Variants in CCDC18 observed in about 807,000 individuals in gnomAD.
CCDC18 encodes the protein coiled-coil domain-containing protein 18.
CCDC18 carries 157 observed loss-of-function variants against 196.0 expected under a neutral mutation model. The observed-to-expected ratio is 0.80, with a 90% CI of 0.70 to 0.91. The LOEUF (loss-of-function observed/expected upper bound fraction) is 0.91, where lower values mean the gene tolerates loss of function less well. CCDC18 is among the 40% of genes least tolerant of loss of function. The pLI is 0.00. For synonymous variants in CCDC18, 482 were observed against 529.2 expected (o/e 0.91, Z 1.22); for missense variants, 1,465 against 1,611.6 (o/e 0.91, Z 1.56).
chr1:93,256,533 G>A lies in CCDC18; in HGVS notation c.3541G>A (p.Glu1181Lys). ...ELEDMKQLSK[E>K]KDAHGNHLAE... ...GGAGGATATGAAGCAACTCTCTAAA[G>A]AGAAAGTAATCCCTATTTTAAATAA... Residue 1181 changes from glutamate to lysine, a missense_variant, in exon 25 of 29, where the codon GAG becomes AAG. Transcript: ENST00000690025. 6.2e-7 allele frequency: 1 copy of A among 1,609,270 alleles called. No homozygotes were observed. Among genetic ancestry groups the A allele is most frequent in the African/African-American group, 1.3e-5 (1 of 74,856 alleles).
intron 6 of CCDC18, among the ~76,000 whole-genome samples, chr1:93,199,355 G>A (rs1033524473): frequency 2.6e-5 from 4 of 152,242 alleles, no homozygotes; most frequent in African/African-American, 7.2e-5. Flanking sequence ...CAGCACGGGC[G>A]CCAGCTCCCT....
At chr1:93,210,715 A>C in intron 9 of CCDC18, 87 bp from the exon 10 acceptor site, 1 of 903,726 alleles carries the variant, frequency 1.1e-6, no homozygotes, top group African/African-American at 1.6e-5. Flanking sequence ...TTAAATTCAT[A>C]CAGTTTTTAA....
intron 28 of CCDC18, among the ~76,000 whole-genome samples, chr1:93,276,067 G>T (rs1490717109): frequency 6.6e-6 from 1 of 152,186 alleles, no homozygotes. Flanking sequence ...GCCAGGAGGC[G>T]CCATTGTTGG....
chr1:93,229,530 C>G (rs1018032340), intron 17 of CCDC18, among the ~76,000 whole-genome samples: 5 of 152,168 alleles, frequency 3.3e-5, no homozygotes, highest in Admixed American at 6.5e-5. Context: ...ATGTTCTTAT[C>G]TTTTAAATCA....
intron 8 of CCDC18, among the ~76,000 whole-genome samples, chr1:93,206,832 A>G (rs887702552): frequency 6.6e-6 from 1 of 152,150 alleles, no homozygotes; most frequent in Non-Finnish European, 1.5e-5. Context: ...TTAAGACAGT[A>G]GGGCTGTCCT....
intron 4 of CCDC18, among the ~76,000 whole-genome samples, chr1:93,191,301 T>C (rs1187886844): frequency 6.6e-6 from 1 of 152,204 alleles, no homozygotes; most frequent in Non-Finnish European, 1.5e-5. Flanking sequence ...GATAATAAAC[T>C]TTCTGCCTCT....
chr1:93,253,673 C>A (rs1662559397), intron 23 of CCDC18, among the ~76,000 whole-genome samples: 1 of 152,208 alleles, frequency 6.6e-6, no homozygotes, highest in South Asian at 2.1e-4. Context: ...CTGATGTCAG[C>A]AGGGAGAGAG....
At chr1:93,194,616 T>C (rs115207375) in intron 6 of CCDC18, among the ~76,000 whole-genome samples, 1 of 151,936 alleles carries the variant, frequency 6.6e-6, no homozygotes, top group South Asian at 2.1e-4. Flanking sequence ...GAAGAGTAAA[T>C]GAAAAAAAGA....
intron 23 of CCDC18, among the ~76,000 whole-genome samples, chr1:93,251,847 T>C (rs1429372483): frequency 1.3e-5 from 2 of 152,164 alleles, no homozygotes; most frequent in Non-Finnish European, 2.9e-5. Flanking sequence ...TTCTTTTGTT[T>C]CTTTAAAAAA....
intron 17 of CCDC18, among the ~76,000 whole-genome samples, chr1:93,231,326 T>G (rs1414210482): frequency 1.4e-4 from 21 of 152,210 alleles, no homozygotes; most frequent in Non-Finnish European, 2.6e-4. Flanking sequence ...AACATTTACC[T>G]ACAGCCCATT....
At chr1:93,278,274 C>T (rs992693066) in intron 28 of CCDC18, among the ~76,000 whole-genome samples, 189 bp from the exon 29 acceptor site, 1 of 152,170 alleles carries the variant, frequency 6.6e-6, no homozygotes, top group African/African-American at 2.4e-5. Context: ...AGGCAGTGAG[C>T]CACTGCACCC....
rs539839904 is a variant in CCDC18 at position 93,270,572 on chromosome 1, T to G, written c.4111T>G (p.Ser1371Ala). The G allele has an allele frequency of 1.9e-6, 3 of 1,550,456 alleles. No individual in the cohort carries two copies. The highest frequency in any genetic ancestry group is 2.6e-6 in the Non-Finnish European group (3 of 1,146,908). The change falls in exon 28 of 29, where the codon TCT becomes GCT. Residue 1371 changes from serine (S) to alanine (A), a missense_variant. Physicochemically the swap from Ser to Ala is moderately conservative, Grantham distance 99. Coordinates refer to ENST00000690025, the MANE Select transcript of CCDC18 (RefSeq NM_001378204.1). ...CAAAATTCATGGTGATGAAGATCTT[T>G]CTGAAGAATTACTACAGGACTTAAA... ...TFKIHGDEDL[S>A]EELLQDLKKM...
chr1:93,183,972 C>A lies in CCDC18; in HGVS notation c.135-6C>A. 1 of 1,490,302 alleles carries A rather than the reference C, an allele frequency of 6.7e-7. No homozygotes were observed. 92.3% of individuals were successfully genotyped at this position (1,490,302 alleles called of 1,614,324 possible). A position where few individuals can be genotyped will look rare whatever the true frequency, so the allele number is the denominator to read the frequency against. ...AACTGAAATATGTTTTTTCTTTTTTCTCTAGTGTTAGTCCAAGTGAAAATT... is the reference window on the plus strand; with the variant it reads ...AACTGAAATATGTTTTTTCTTTTTTATCTAGTGTTAGTCCAAGTGAAAATT... On this transcript the variant is annotated splice_region_variant and splice_polypyrimidine_tract_variant and intron_variant, in intron 2 of 28. Coordinates refer to ENST00000690025, the MANE Select transcript of CCDC18 (RefSeq NM_001378204.1).
rs957534116 is a variant in CCDC18 at position 93,278,706 on chromosome 1, A to T, written c.*229A>T. 7 of 331,666 alleles carry T rather than the reference A, an allele frequency of 2.1e-5. No homozygotes were observed. Among genetic ancestry groups the T allele is most frequent in the African/African-American group, 1.5e-4 (7 of 46,688 alleles). 20.5% of individuals were successfully genotyped at this position (331,666 alleles called of 1,614,324 possible). On this transcript the variant is annotated 3_prime_UTR_variant, in exon 29 of 29. Transcript: ENST00000690025. ...AACTTGCTGCTTTCTTTTGCTTTTTATATAAAAATCATTGTTAAAATGCAT... is the reference window on the plus strand; with the variant it reads ...AACTTGCTGCTTTCTTTTGCTTTTTTTATAAAAATCATTGTTAAAATGCAT...
At chr1:93,231,623 G>A (rs1267686069) in intron 17 of CCDC18, among the ~76,000 whole-genome samples, 2 of 152,054 alleles carry the variant, frequency 1.3e-5, no homozygotes, top group African/African-American at 4.8e-5. Flanking sequence ...GGATTACTAG[G>A]ACAAAGGGAA....
At chr1:93,199,435 C>T (rs1653419370) in intron 6 of CCDC18, among the ~76,000 whole-genome samples, 1 of 150,536 alleles carries the variant, frequency 6.6e-6, no homozygotes. Context: ...CGGGGTGGTA[C>T]TGGAAGCTTG....
chr1:93,264,667 A>ATTTTTTTT (rs746113534), intron 26 of CCDC18, 34 bp from the exon 27 acceptor site: 10 of 1,320,024 alleles, frequency 7.6e-6, no homozygotes, highest in Admixed American at 2.1e-5. Flanking sequence ...CCATTTTTTT[A>ATTTTTTTT]TTTTTTTTCT....
intron 9 of CCDC18, among the ~76,000 whole-genome samples, chr1:93,210,294 T>G (rs1488634626): frequency 1.3e-5 from 2 of 152,222 alleles, no homozygotes; most frequent in Non-Finnish European, 2.9e-5. Context: ...TATGCTAGTG[T>G]AGCACCTTAT....
chr1:93,241,935 C>A (rs1395102555), intron 21 of CCDC18, among the ~76,000 whole-genome samples: 1 of 151,842 alleles, frequency 6.6e-6, no homozygotes, highest in African/African-American at 2.4e-5. Flanking sequence ...AAAATGAAAC[C>A]CTCATTCATT....
Sources: gnomAD v4.1 joint callset for allele counts (sites outside exome capture counted in the v4.1 genomes callset) on GRCh38, gnomAD v4.1.1 for gene constraint, MANE v1.5 for transcripts, NCBI Gene and HGNC (gene_info 2026-07-23, HGNC 2026-07-21) for gene names.